The following SNTG2 variants were observed in gnomAD, a reference collection of about 807,000 sequenced individuals.
SNTG2 encodes syntrophin gamma 2.
A neutral mutation model predicts 70.9 loss-of-function variants in SNTG2; 74 were observed. That is an observed-to-expected ratio of 1.04 (90% confidence interval 0.86 to 1.27). The LOEUF (loss-of-function observed/expected upper bound fraction) is 1.27, where lower values mean the gene tolerates loss of function less well. SNTG2 is among the 50% of genes most tolerant of loss of function. SNTG2 has a pLI of 0.00. For missense variants in SNTG2, 717 were observed against 690.7 expected (o/e 1.04, Z -0.43); for synonymous variants, 278 against 273.8 (o/e 1.02, Z -0.15).
intron 1 of SNTG2, among the ~76,000 whole-genome samples, chr2:977,854 G>A (rs1482830589): frequency 1.3e-5 from 2 of 152,006 alleles, no homozygotes; most frequent in African/African-American, 4.8e-5. Context: ...TTCCCGCCTC[G>A]TGCCACCTAC....
Position 1,222,085 on chromosome 2 carries a change from GTCTCTCTCTGTCTCTCTCTGTC to G in SNTG2, c.719+12863_719+12884del, listed in dbSNP as rs1675166339. 9.7e-4 allele frequency among the ~76,000 whole-genome samples: 7 copies of G among 7,204 alleles called. 1 individual carries two copies. Among genetic ancestry groups the G allele is most frequent in the Non-Finnish European group, 4.8e-4 (2 of 4,206 alleles). The allele number at this position is 7,204 out of a possible 152,430, so 4.7% of individuals were successfully genotyped here. On this transcript the variant is annotated intron_variant, in intron 9 of 16. Transcript: ENST00000308624. ...TCTGTTTCTCTCTGTCTCTGTCTCT[GTCTCTCTCTGTCTCTCTCTGTC>G]TCTCTCTGTCTCTCTCTGTCTCTCT...
At chr2:1,307,216 C>T (rs1680727776) in intron 14 of SNTG2, among the ~76,000 whole-genome samples, 1 of 123,138 alleles carries the variant, frequency 8.1e-6, no homozygotes, top group East Asian at 2.4e-4. Context: ...ATGTCTGTGT[C>T]TGTATGTCTG....
At chr2:1,028,604 G>C (rs1391651921) in intron 1 of SNTG2, among the ~76,000 whole-genome samples, 2 of 152,172 alleles carry the variant, frequency 1.3e-5, no homozygotes, top group Non-Finnish European at 2.9e-5. Flanking sequence ...GAAACCCTCT[G>C]CTTTCCCTTC....
chr2:964,764 C>T (rs187544151), intron 1 of SNTG2, among the ~76,000 whole-genome samples: 153 of 152,286 alleles, frequency 1.0e-3, no homozygotes, highest in African/African-American at 3.2e-3. Flanking sequence ...CAGCGGGTCC[C>T]GCCCTGTGCC....
chr2:1,090,886 C>T (rs1279201263), intron 2 of SNTG2, among the ~76,000 whole-genome samples: 1 of 152,186 alleles, frequency 6.6e-6, no homozygotes, highest in East Asian at 1.9e-4. Flanking sequence ...TTGCCCAGCT[C>T]CTGAGATCTT....
intron 1 of SNTG2, among the ~76,000 whole-genome samples, chr2:989,204 G>A (rs916138933): frequency 4.6e-5 from 7 of 152,102 alleles, no homozygotes; most frequent in Non-Finnish European, 8.8e-5. Flanking sequence ...TCTCCCTAAC[G>A]TATGACTTCT....
intron 9 of SNTG2, among the ~76,000 whole-genome samples, chr2:1,222,115 GTCTCTCTCTGTCTCT>G (rs1675205126): frequency 4.5e-5 from 1 of 22,060 alleles, no homozygotes; most frequent in Admixed American, 4.5e-4. Flanking sequence ...GTCTCTCTCT[GTCTCTCTCTGTCTCT>G]CTCTGTCTCT....
chr2:951,721 G>A (rs1385740129), intron 1 of SNTG2, among the ~76,000 whole-genome samples: 1 of 152,182 alleles, frequency 6.6e-6, no homozygotes, highest in Non-Finnish European at 1.5e-5. Context: ...AAAGAAAAAC[G>A]AAAAGTTCTT....
At chr2:959,418 T>C (rs1048511493) in intron 1 of SNTG2, among the ~76,000 whole-genome samples, 2 of 152,230 alleles carry the variant, frequency 1.3e-5, no homozygotes, top group African/African-American at 4.8e-5. Context: ...CTACAGATTC[T>C]TTTGGTTTTA....
chr2:984,534 C>A (rs745451743), intron 1 of SNTG2, among the ~76,000 whole-genome samples: 1 of 152,170 alleles, frequency 6.6e-6, no homozygotes, highest in African/African-American at 2.4e-5. Context: ...CATCCCCTCT[C>A]GTCCTCCCTG....
intron 8 of SNTG2, among the ~76,000 whole-genome samples, chr2:1,186,393 G>A (rs1672253468): frequency 6.6e-6 from 1 of 152,080 alleles, no homozygotes; most frequent in Non-Finnish European, 1.5e-5. Flanking sequence ...ACATTTTCAG[G>A]TATCTTTATA....
At chr2:1,256,815 G>A (rs1287815709) in intron 12 of SNTG2, among the ~76,000 whole-genome samples, 1 of 152,154 alleles carries the variant, frequency 6.6e-6, no homozygotes, top group Non-Finnish European at 1.5e-5. Context: ...GGGGGAAGCC[G>A]ATGGCAGGGC....
intron 8 of SNTG2, among the ~76,000 whole-genome samples, chr2:1,190,234 C>T (rs1029448273): frequency 4.0e-5 from 6 of 151,784 alleles, no homozygotes; most frequent in African/African-American, 9.7e-5. Context: ...ATGCTTAAGA[C>T]CCTTATATAA....
intron 1 of SNTG2, among the ~76,000 whole-genome samples, chr2:996,614 A>G (rs1661688333): frequency 1.4e-5 from 2 of 144,126 alleles, no homozygotes; most frequent in Non-Finnish European, 3.0e-5. Context: ...ATGTGTGTAT[A>G]TATTGGTGGA....
At chr2:955,127 TTC>T (rs1660100032) in intron 1 of SNTG2, among the ~76,000 whole-genome samples, 1 of 152,258 alleles carries the variant, frequency 6.6e-6, no homozygotes, top group African/African-American at 2.4e-5. Context: ...TAAGTTTTAA[TTC>T]TGTTTTATCT....
chr2:1,046,502 T>C (rs981413934), intron 1 of SNTG2, among the ~76,000 whole-genome samples: 2 of 152,160 alleles, frequency 1.3e-5, no homozygotes, highest in African/African-American at 2.4e-5. Context: ...AACAACCTTT[T>C]GTTTCCACGT....
At chr2:1,197,042 A>G (rs987587293) in intron 8 of SNTG2, among the ~76,000 whole-genome samples, 1 of 152,208 alleles carries the variant, frequency 6.6e-6, no homozygotes, top group African/African-American at 2.4e-5. Context: ...AATGAGAGAG[A>G]AAGAAAGGAA....
intron 1 of SNTG2, among the ~76,000 whole-genome samples, chr2:982,432 A>T (rs1467945094): frequency 6.6e-6 from 1 of 152,030 alleles, no homozygotes. Context: ...TCCCAGCCCC[A>T]CCTCCTCTAT....
At chr2:1,098,906 C>T (rs1222813261) in intron 4 of SNTG2, among the ~76,000 whole-genome samples, 1 of 152,172 alleles carries the variant, frequency 6.6e-6, no homozygotes. Context: ...CCACCTCCAT[C>T]CCTGAAATGA....
Sources: gnomAD v4.1 joint callset for allele counts (sites outside exome capture counted in the v4.1 genomes callset) on GRCh38, gnomAD v4.1.1 for gene constraint, MANE v1.5 for transcripts, NCBI Gene and HGNC (gene_info 2026-07-23, HGNC 2026-07-21) for gene names.